The following CSMD1 variants were observed in gnomAD, a reference collection of about 807,000 sequenced individuals.
CSMD1 encodes CUB and sushi domain-containing protein 1.
CSMD1 carries 213 observed loss-of-function variants against 417.5 expected under a neutral mutation model. The observed-to-expected ratio is 0.51, with a 90% confidence interval of 0.46 to 0.57. The LOEUF (loss-of-function observed/expected upper bound fraction) is 0.57, where lower values mean the gene tolerates loss of function less well. CSMD1 is among the 20% of genes least tolerant of loss of function. The pLI is 0.00. For synonymous variants in CSMD1, 2,862 were observed against 1,736.8 expected (o/e 1.65, Z -16.11); for missense variants, 6,923 against 4,529.7 (o/e 1.53, Z -15.17).
chr8:4,563,213 A>C (rs1001900783), intron 2 of CSMD1, among the ~76,000 whole-genome samples: 1 of 152,108 alleles, frequency 6.6e-6, no homozygotes. Context: ...CATCCTGGCT[A>C]ACACGGTGAA....
intron 1 of CSMD1, among the ~76,000 whole-genome samples, chr8:4,911,144 C>G (rs1156265281): frequency 6.6e-6 from 1 of 152,204 alleles, no homozygotes; most frequent in Non-Finnish European, 1.5e-5. Flanking sequence ...ATTCTCCAGT[C>G]TTGGGTATGT....
intron 31 of CSMD1, among the ~76,000 whole-genome samples, chr8:3,202,895 T>G (rs1324341788): frequency 1.3e-5 from 2 of 152,154 alleles, no homozygotes; most frequent in African/African-American, 4.8e-5. Flanking sequence ...CTAGGTGAAT[T>G]TTCCCAATAG....
At chr8:3,210,625 T>G (rs2116791932) in intron 30 of CSMD1, among the ~76,000 whole-genome samples, 1 of 148,336 alleles carries the variant, frequency 6.7e-6, no homozygotes, top group South Asian at 2.1e-4. Context: ...TAGACAGGAA[T>G]ATATATATAA....
At chr8:3,575,209 G>C in intron 9 of CSMD1, 143 bp from the exon 10 acceptor site, 2 of 852,348 alleles carry the variant, frequency 2.3e-6, no homozygotes, top group South Asian at 1.9e-5. Context: ...CTCCAACTGG[G>C]GCATGGACTC....
intron 1 of CSMD1, among the ~76,000 whole-genome samples, chr8:4,800,659 C>T (rs9644284): frequency 0.06 from 9,119 of 152,182 alleles, 447 homozygotes; most frequent in East Asian, 0.23. Context: ...GGCTGTGGAG[C>T]CTCAGAGTTG....
chr8:4,739,349 T>C (rs2116996125), intron 1 of CSMD1, among the ~76,000 whole-genome samples: 1 of 152,354 alleles, frequency 6.6e-6, no homozygotes, highest in African/African-American at 2.4e-5. Flanking sequence ...GAATTTTACC[T>C]TACTGTAAAC....
chr8:3,746,128 G>A (rs992551656), intron 6 of CSMD1, among the ~76,000 whole-genome samples: 7 of 152,216 alleles, frequency 4.6e-5, no homozygotes, highest in Non-Finnish European at 8.8e-5. Context: ...GATATTGCCT[G>A]CATGAGACAG....
intron 1 of CSMD1, among the ~76,000 whole-genome samples, chr8:4,664,203 C>G (rs904590333): frequency 3.3e-5 from 5 of 152,186 alleles, no homozygotes; most frequent in Non-Finnish European, 5.9e-5. Context: ...TAGTTTTCAT[C>G]TTTGCATTAT....
intron 1 of CSMD1, among the ~76,000 whole-genome samples, chr8:4,821,384 C>G (rs1211457281): frequency 6.6e-6 from 1 of 152,092 alleles, no homozygotes; most frequent in Non-Finnish European, 1.5e-5. Flanking sequence ...CGTTTATCCC[C>G]ATAAAGCAAA....
At chr8:3,933,214 T>C (rs907155514) in intron 5 of CSMD1, among the ~76,000 whole-genome samples, 3 of 135,830 alleles carry the variant, frequency 2.2e-5, no homozygotes, top group African/African-American at 8.3e-5. Context: ...CAATTTCTTG[T>C]TAAGTAGAAA....
intron 3 of CSMD1, among the ~76,000 whole-genome samples, chr8:4,063,646 G>A (rs1799095438): frequency 1.3e-5 from 2 of 152,182 alleles, no homozygotes; most frequent in Admixed American, 6.5e-5. Flanking sequence ...CACATCAGGT[G>A]CTGCCTCCCT....
At chr8:3,457,442 C>A (rs759023774) in intron 12 of CSMD1, among the ~76,000 whole-genome samples, 10 of 152,160 alleles carry the variant, frequency 6.6e-5, no homozygotes, top group Non-Finnish European at 1.3e-4. Context: ...GCAGAAGAAA[C>A]GGAGCTCCAC....
At chr8:4,385,366 T>C (rs1803379239) in intron 3 of CSMD1, among the ~76,000 whole-genome samples, 1 of 152,240 alleles carries the variant, frequency 6.6e-6, no homozygotes, top group African/African-American at 2.4e-5. Flanking sequence ...ATAACCGACG[T>C]GGCCCCAGCC....
chr8:4,003,390 C>A (rs1283152165), intron 4 of CSMD1, among the ~76,000 whole-genome samples: 2 of 148,238 alleles, frequency 1.3e-5, no homozygotes, highest in African/African-American at 5.0e-5. Context: ...AAGACACTGT[C>A]TCAATAAACA....
intron 3 of CSMD1, among the ~76,000 whole-genome samples, chr8:4,372,315 G>C (rs76226345): frequency 5.9e-5 from 9 of 152,160 alleles, no homozygotes; most frequent in Non-Finnish European, 8.8e-5. Context: ...CATGAGAACA[G>C]ACTGTGGTAG....
intron 5 of CSMD1, among the ~76,000 whole-genome samples, chr8:3,775,368 C>G (rs1224451713): frequency 1.3e-5 from 2 of 152,156 alleles, no homozygotes; most frequent in Non-Finnish European, 2.9e-5. Flanking sequence ...CTAGCAGACA[C>G]AGCATAGCAG....
rs183031690 is a variant in CSMD1 at position 2,991,517 on chromosome 8, A to G, written c.8377+6494T>C. ...ACTTTTGAAAAATCTCAGAGAAGAG[A>G]AAACATTTCTTTAAAAAACAACCTG... On this transcript the variant is annotated intron_variant, in intron 54 of 69. Transcript: ENST00000635120. Among the ~76,000 whole-genome samples the G allele has an allele frequency of 8.9e-4, 136 of 152,354 alleles. 1 individual carries two copies. Among genetic ancestry groups the G allele is most frequent in the African/African-American group, 3.1e-3 (127 of 41,584 alleles).
At chr8:3,569,821 T>C (rs578243538) in intron 10 of CSMD1, among the ~76,000 whole-genome samples, 2 of 152,292 alleles carry the variant, frequency 1.3e-5, no homozygotes, top group African/African-American at 4.8e-5. Flanking sequence ...GGTGTCTAAG[T>C]GGTGCTTTGC....
chr8:3,550,119 C>T (rs1798846319), intron 10 of CSMD1, among the ~76,000 whole-genome samples: 1 of 152,126 alleles, frequency 6.6e-6, no homozygotes, highest in African/African-American at 2.4e-5. Flanking sequence ...AAAAGTGTCC[C>T]ATTGGGATCA....
Sources: gnomAD v4.1 joint callset for allele counts (sites outside exome capture counted in the v4.1 genomes callset) on GRCh38, gnomAD v4.1.1 for gene constraint, MANE v1.5 for transcripts, NCBI Gene and HGNC (gene_info 2026-07-23, HGNC 2026-07-21) for gene names.